The following EDDM3A variants were observed in gnomAD, a reference collection of about 807,000 sequenced individuals.
EDDM3A encodes the protein epididymal secretory protein E3-alpha.
For synonymous variants in EDDM3A, 75 were observed against 60.4 expected (o/e 1.24, Z -1.12); for missense variants, 199 against 177.4 (o/e 1.12, Z -0.69).
At chr14:20,743,725 A>C (rs1487556231), upstream of EDDM3A, among the ~76,000 whole-genome samples, 1 of 152,144 alleles carries the variant, frequency 6.6e-6, no homozygotes, top group Non-Finnish European at 1.5e-5. Flanking sequence ...GCTGGTAGAC[A>C]ACCCTAGGAA....
upstream of EDDM3A, among the ~76,000 whole-genome samples, chr14:20,744,153 A>G (rs1052911082): frequency 5.9e-5 from 9 of 152,154 alleles, no homozygotes; most frequent in Non-Finnish European, 8.8e-5. Context: ...CTCTCAAATC[A>G]TCCAAATTCA....
chr14:20,738,470 AAAAT>A, the EDDM3A span, among the ~76,000 whole-genome samples: 26,029 of 143,214 alleles, frequency 0.18, 3,061 homozygotes, highest in East Asian at 0.4. Context: ...ACTCTGTCTC[AAAAT>A]AAATAAATAA....
At chr14:20,738,107 A>G in the EDDM3A span, among the ~76,000 whole-genome samples, 5 of 152,160 alleles carry the variant, frequency 3.3e-5, no homozygotes, top group Admixed American at 6.5e-5. Context: ...GCAATTTTTG[A>G]GTGCACCTGG....
chr14:20,739,741 C>T, the EDDM3A span, among the ~76,000 whole-genome samples: 5 of 152,154 alleles, frequency 3.3e-5, no homozygotes, highest in South Asian at 6.2e-4. Flanking sequence ...ATTAACAGCT[C>T]ATCAAAGCAG....
At chr14:20,740,022 A>T in the EDDM3A span, among the ~76,000 whole-genome samples, 2 of 152,036 alleles carry the variant, frequency 1.3e-5, no homozygotes, top group African/African-American at 4.8e-5. Flanking sequence ...CACCTTTGGC[A>T]TCTCCCTGTC....
the EDDM3A span, among the ~76,000 whole-genome samples, chr14:20,736,270 C>T: frequency 4.6e-5 from 7 of 152,052 alleles, no homozygotes; most frequent in Non-Finnish European, 7.4e-5. Context: ...TCACCATGCC[C>T]AGCTAATTTT....
chr14:20,738,722 G>A, the EDDM3A span, among the ~76,000 whole-genome samples: 169 of 152,188 alleles, frequency 1.1e-3, 1 homozygote, highest in African/African-American at 3.9e-3. Flanking sequence ...CGTATACATG[G>A]GAGAAACTCA....
the EDDM3A span, among the ~76,000 whole-genome samples, chr14:20,736,415 T>A: frequency 6.6e-6 from 1 of 152,056 alleles, no homozygotes; most frequent in Non-Finnish European, 1.5e-5. Flanking sequence ...CCGCCCATCA[T>A]CACATTTTAA....
chr14:20,739,523 C>T, the EDDM3A span, among the ~76,000 whole-genome samples: 1 of 152,152 alleles, frequency 6.6e-6, no homozygotes, highest in South Asian at 2.1e-4. Context: ...GCTAACTGAA[C>T]CTTCTTTTGT....
the EDDM3A span, among the ~76,000 whole-genome samples, chr14:20,736,062 G>T: frequency 0.11 from 17,380 of 151,580 alleles, 1,148 homozygotes; most frequent in South Asian, 0.19. Context: ...AGGTACACCT[G>T]CCTTGGTTAC....
rs951527005 is a variant in EDDM3A at position 20,748,280 on chromosome 14, G to A, written c.*256G>A. ...CCAAGATTCAGCTCATATGGCATCT[G>A]TCCTCGACTAACCTAAGACTTTCCT... On this transcript the variant is annotated 3_prime_UTR_variant, in exon 2 of 2. Transcript: ENST00000326842. The A allele has an allele frequency of 5.2e-6, 2 of 387,722 alleles. No individual in the cohort carries two copies. The highest frequency in any genetic ancestry group is 2.1e-5 in the African/African-American group (1 of 48,338). 24.0% of individuals were successfully genotyped at this position (387,722 alleles called of 1,614,324 possible). A position where few individuals can be genotyped will look rare whatever the true frequency, so the allele number is the denominator to read the frequency against.
chr14:20,738,600 A>G, the EDDM3A span, among the ~76,000 whole-genome samples: 9 of 152,296 alleles, frequency 5.9e-5, no homozygotes, highest in African/African-American at 2.2e-4. Context: ...ATATAGTGTA[A>G]GGGAGGAAAA....
chr14:20,743,536 C>T (rs1877498984), upstream of EDDM3A, among the ~76,000 whole-genome samples: 2 of 151,890 alleles, frequency 1.3e-5, no homozygotes, highest in Admixed American at 6.6e-5. Flanking sequence ...AACTCCATTC[C>T]AAAAATAATA....
upstream of EDDM3A, among the ~76,000 whole-genome samples, chr14:20,742,830 C>CA (rs1051802260): frequency 2.0e-5 from 3 of 151,974 alleles, no homozygotes; most frequent in African/African-American, 7.3e-5. Context: ...CTCCTGGCCT[C>CA]AAGTGATCCT....
At chr14:20,740,493 C>T in the EDDM3A span, among the ~76,000 whole-genome samples, 3 of 152,160 alleles carry the variant, frequency 2.0e-5, no homozygotes, top group African/African-American at 7.2e-5. Flanking sequence ...GATCTGCTGG[C>T]CTTCTTAGAG....
chr14:20,746,851 C>G (rs1343221905), intron 1 of EDDM3A, among the ~76,000 whole-genome samples: 1 of 152,158 alleles, frequency 6.6e-6, no homozygotes, highest in African/African-American at 2.4e-5. Flanking sequence ...TTCTACATTC[C>G]CTTAAAATGC....
At chr14:20,742,732 A>G (rs577722769), upstream of EDDM3A, among the ~76,000 whole-genome samples, 1 of 151,696 alleles carries the variant, frequency 6.6e-6, no homozygotes, top group East Asian at 1.9e-4. Flanking sequence ...GGTTACAGGC[A>G]CGTGCTACCA....
chr14:20,736,575 G>A, the EDDM3A span, among the ~76,000 whole-genome samples: 1 of 152,132 alleles, frequency 6.6e-6, no homozygotes, highest in Non-Finnish European at 1.5e-5. Flanking sequence ...TATGGTAGTT[G>A]CTCAGTAAAA....
At chr14:20,736,717 A>T in the EDDM3A span, among the ~76,000 whole-genome samples, 3 of 151,716 alleles carry the variant, frequency 2.0e-5, no homozygotes, top group African/African-American at 4.8e-5. Flanking sequence ...TTTTTTATTT[A>T]TTTATTTTTT....
Sources: allele counts gnomAD v4.1 joint callset (sites outside exome capture counted in the v4.1 genomes callset), GRCh38; gene constraint gnomAD v4.1.1; transcripts MANE v1.5; gene names NCBI Gene and HGNC (gene_info 2026-07-23, HGNC 2026-07-21).